Variants in GRM4 observed in about 807,000 individuals in gnomAD.
GRM4 encodes the protein glutamate metabotropic receptor 4, also known as metabotropic glutamate receptor 4.
GRM4 carries 28 observed loss-of-function variants against 81.7 expected under a neutral mutation model. The observed-to-expected ratio is 0.34, with a 90% confidence interval of 0.25 to 0.47. The LOEUF is 0.47. Ranked by LOEUF, GRM4 falls within the 20% of genes least tolerant of loss-of-function variation. The pLI, the probability that GRM4 is intolerant of heterozygous loss-of-function variation, is 1.00. For synonymous variants in GRM4, 488 were observed against 528.8 expected (o/e 0.92, Z 1.06); for missense variants, 948 against 1,290.0 (o/e 0.73, Z 4.06).
chr6:34,043,567 G>A (rs1409276584), intron 6 of GRM4, among the ~76,000 whole-genome samples: 1 of 152,184 alleles, frequency 6.6e-6, no homozygotes, highest in African/African-American at 2.4e-5. Flanking sequence ...CCGCTGCAGA[G>A]AGAAGGCAGC....
chr6:34,155,159 C>T (rs757546635), exon 1 of GRM4: 173 of 1,535,234 alleles, frequency 1.1e-4, no homozygotes, highest in Non-Finnish European at 1.5e-4. Context: ...GCCGCCCCCT[C>T]GGATTCGTGC....
chr6:34,154,874 A>G (rs1448675410), intron 1 of GRM4, among the ~76,000 whole-genome samples: 1 of 152,162 alleles, frequency 6.6e-6, no homozygotes, highest in Non-Finnish European at 1.5e-5. Flanking sequence ...CGCGCGCCCG[A>G]GCGCGAGCCT....
chr6:34,037,895 G>A (rs1179392300), intron 8 of GRM4, among the ~76,000 whole-genome samples: 3 of 151,536 alleles, frequency 2.0e-5, no homozygotes, highest in African/African-American at 7.3e-5. Context: ...AAAGGAAAGG[G>A]GTAAGGTGGG....
In GRM4 at chr6:34,132,094, C is replaced by G. The variant is rs372387815; in HGVS notation, c.519+884G>C. 3.3e-5 allele frequency among the ~76,000 whole-genome samples: 5 copies of G among 152,192 alleles called. No homozygotes were observed. In the South Asian group the frequency reaches 6.2e-4, roughly 19 times the overall value. On this transcript the variant is annotated intron_variant, in intron 2 of 10. Transcript: ENST00000538487. ...ACCCGGTAGCTTTCAGTTGTTTTAG[C>G]AGCTTAGCGAAGCACTTGGCTCCAA...
Position 34,044,271 on chromosome 6 carries a change from T to TACACATAC in GRM4, c.1169-3531_1169-3524dup, listed in dbSNP as rs1554181560. On this transcript the variant is annotated intron_variant, in intron 6 of 10. Coordinates refer to ENST00000538487, the MANE Select transcript of GRM4 (RefSeq NM_000841.4). ...ACAGAGACATACATACATACACATA[T>TACACATAC]ACACATACACACACACATAGACATA... Among the ~76,000 whole-genome samples the TACACATAC allele has an allele frequency of 1.2e-3, 167 of 139,648 alleles. 1 individual carries two copies. The highest frequency in any genetic ancestry group is 4.3e-3 in the African/African-American group (158 of 36,908). 91.6% of individuals were successfully genotyped at this position (139,648 alleles called of 152,430 possible).
At chr6:34,127,851 T>C (rs1191576418) in intron 2 of GRM4, among the ~76,000 whole-genome samples, 1 of 152,172 alleles carries the variant, frequency 6.6e-6, no homozygotes, top group Non-Finnish European at 1.5e-5. Flanking sequence ...CTCCTGGCTG[T>C]GTAGTGAAAA....
chr6:34,134,002 C>T (rs1247070880), intron 1 of GRM4, 143 bp from the exon 2 acceptor site: 1 of 246,722 alleles, frequency 4.1e-6, no homozygotes, highest in African/African-American at 2.3e-5. Flanking sequence ...AACTTGGTTT[C>T]CTCTCCGCCA....
At chr6:34,127,008 C>A (rs1770048318) in intron 2 of GRM4, among the ~76,000 whole-genome samples, 2 of 152,308 alleles carry the variant, frequency 1.3e-5, no homozygotes, top group South Asian at 4.1e-4. Context: ...TATGATTTTC[C>A]AGTATCATGA....
intron 10 of GRM4, among the ~76,000 whole-genome samples, chr6:34,026,581 G>A (rs938513725): frequency 6.6e-6 from 1 of 152,074 alleles, no homozygotes; most frequent in Admixed American, 6.5e-5. Context: ...GGAAGCAGGG[G>A]CCTGGGGATA....
chr6:34,120,091 C>A (rs1420130689), intron 2 of GRM4, among the ~76,000 whole-genome samples: 1 of 152,176 alleles, frequency 6.6e-6, no homozygotes, highest in Non-Finnish European at 1.5e-5. Context: ...AACAGTAATA[C>A]CGTAACTTAG....
Position 34,089,123 on chromosome 6 carries a change from T to C in GRM4, c.736+2760A>G, listed in dbSNP as rs1437745611. On this transcript the variant is annotated intron_variant, in intron 3 of 10. Transcript: ENST00000538487. The surrounding 1 kb of genome is among the most constrained non-coding windows in gnomAD (Gnocchi z 4.3). ...GAAGCACCCAGAGACCAGCACACAG[T>C]TGGCACCCAGGACTCACTCACCACA... is the stretch of plus-strand genomic sequence containing the variant. Among the ~76,000 whole-genome samples the C allele has an allele frequency of 1.3e-5, 2 of 152,116 alleles. No homozygotes were observed. The highest frequency in any genetic ancestry group is 2.1e-4 in the South Asian group (1 of 4,832).
chr6:34,037,688 C>A (rs979766875), intron 8 of GRM4, among the ~76,000 whole-genome samples: 38 of 152,026 alleles, frequency 2.5e-4, no homozygotes, highest in African/African-American at 8.7e-4. Flanking sequence ...CATGGTGAAA[C>A]CCCGTCTCTA....
chr6:34,033,363 G>T (rs2127440565), intron 9 of GRM4, among the ~76,000 whole-genome samples: 1 of 152,268 alleles, frequency 6.6e-6, no homozygotes, highest in East Asian at 1.9e-4. Context: ...GAAGTCCCAG[G>T]GCATGAGGTA....
intron 2 of GRM4, among the ~76,000 whole-genome samples, chr6:34,132,263 G>C (rs1770273526): frequency 6.6e-6 from 1 of 152,088 alleles, no homozygotes; most frequent in Non-Finnish European, 1.5e-5. Flanking sequence ...GGGAAGCTTG[G>C]TTCAGGGCCC....
rs1166825376 is a variant in GRM4, at chr6:34,078,409, A to C, written c.736+13474T>G. 6.6e-6 allele frequency among the ~76,000 whole-genome samples: 1 copy of C among 152,040 alleles called. No homozygotes were observed. The highest frequency in any genetic ancestry group is 2.4e-5 in the African/African-American group (1 of 41,376). On this transcript the variant is annotated intron_variant, in intron 3 of 10. Transcript: ENST00000538487. This position sits in a 1 kb window ranked among gnomAD's most constrained non-coding sequence, Gnocchi z 4.8. ...CCAGTCCACCCAGGTCCTAGGTATG[A>C]TGACCATTTTACAGATAAGGAAACC...
chr6:34,024,935 C>G (rs537976606), intron 10 of GRM4, among the ~76,000 whole-genome samples: 9 of 152,258 alleles, frequency 5.9e-5, no homozygotes, highest in African/African-American at 2.2e-4. Context: ...TGCTGGATGA[C>G]CAAGAGGGCA....
intron 8 of GRM4, among the ~76,000 whole-genome samples, chr6:34,039,825 A>AC (rs1162706217): frequency 8.9e-4 from 40 of 44,806 alleles, no homozygotes; most frequent in African/African-American, 3.4e-3. Flanking sequence ...CCCCCCCATC[A>AC]CCCCCCACTT....
At position 34,071,477 on chromosome 6, in the gene GRM4, A is replaced by G. The variant is rs867196461; in HGVS notation, c.737-9449T>C. ...CATCACCACAGAGATACACACCACA[A>G]ACACACACACATCACCACACACATA... On this transcript the variant is annotated intron_variant, in intron 3 of 10. Coordinates refer to ENST00000538487, the MANE Select transcript of GRM4 (RefSeq NM_000841.4). Among the ~76,000 whole-genome samples, 48 of 29,992 alleles carry G rather than the reference A, an allele frequency of 1.6e-3. 1 individual carries two copies. The highest frequency in any genetic ancestry group is 7.9e-3 in the African/African-American group (48 of 6,058). 19.7% of individuals were successfully genotyped at this position (29,992 alleles called of 152,430 possible).
intron 6 of GRM4, 74 bp from the exon 7 acceptor site, chr6:34,040,822 C>T: frequency 1.6e-6 from 2 of 1,247,294 alleles, no homozygotes; most frequent in Non-Finnish European, 2.3e-6. Context: ...GGGGCCAGAC[C>T]ACCCTCTGGC....
Sources: allele counts gnomAD v4.1 joint callset (sites outside exome capture counted in the v4.1 genomes callset), GRCh38; gene constraint gnomAD v4.1.1; non-coding constraint Gnocchi (gnomAD v3.1); transcripts MANE v1.5; gene names NCBI Gene and HGNC (gene_info 2026-07-23, HGNC 2026-07-21).